Variants in TNS1 observed in about 807,000 individuals in gnomAD.
The protein encoded by TNS1 is tensin 1, also known as tensin-1.
TNS1 carries 62 observed loss-of-function variants against 168.6 expected under a neutral mutation model. The ratio of observed to expected loss-of-function variants is 0.37; its 90% CI spans 0.30 to 0.45. The LOEUF (loss-of-function observed/expected upper bound fraction) is 0.45, where lower values mean the gene tolerates loss of function less well. Ranked by LOEUF, TNS1 falls within the 20% of genes least tolerant of loss-of-function variation. TNS1 has a pLI of 1.00. For missense variants in TNS1, 2,240 were observed against 2,339.4 expected (o/e 0.96, Z 0.88); for synonymous variants, 934 against 933.2 (o/e 1.00, Z -0.02).
chr2:218,016,028 GAGA>G (rs1181668013), intron 1 of TNS1, among the ~76,000 whole-genome samples: 1 of 151,990 alleles, frequency 6.6e-6, no homozygotes, highest in Non-Finnish European at 1.5e-5. Context: ...GAAAGTGCAG[GAGA>G]AGGAGGAAGG....
At chr2:217,996,075 G>A (rs567396229) in intron 1 of TNS1, among the ~76,000 whole-genome samples, 29 of 152,288 alleles carry the variant, frequency 1.9e-4, no homozygotes, top group Admixed American at 3.9e-4. Context: ...TCCCTGCCCC[G>A]TGGGGGCAGA....
intron 18 of TNS1, chr2:217,849,541 A>T (rs1211432443): frequency 1.8e-6 from 1 of 567,144 alleles, no homozygotes; most frequent in African/African-American, 2.0e-5. Flanking sequence ...ACATGCTGAG[A>T]CCAGTTCCTG....
intron 1 of TNS1, among the ~76,000 whole-genome samples, chr2:218,030,842 G>T (rs1230033327): frequency 3.9e-5 from 6 of 152,182 alleles, no homozygotes; most frequent in African/African-American, 1.4e-4. Context: ...TTGCACAGTG[G>T]CTGTGTGTCT....
chr2:217,818,297 C>G lies in TNS1; in HGVS notation c.4035G>C (p.Pro1345=). The part of the protein sequence containing the change: ...SSPQSSAATT[P]GSPSLCRHPA... The stretch of plus-strand genomic sequence containing the variant: ...GGTGCCGACACAGGCTGGGGCTCCC[C>G]GGGGTGGTCGCTGCACTGCTCTGGG... Residue 1345 remains proline, a synonymous_variant, in exon 24 of 33, where the codon CCG becomes CCC. Transcript: ENST00000682258. 1 of 1,613,410 alleles carries G rather than the reference C, an allele frequency of 6.2e-7. No individual in the cohort carries two copies. The highest frequency in any genetic ancestry group is 8.5e-7 in the Non-Finnish European group (1 of 1,179,700).
At chr2:217,962,993 G>C (rs1244479723) in intron 3 of TNS1, among the ~76,000 whole-genome samples, 3 of 152,214 alleles carry the variant, frequency 2.0e-5, no homozygotes, top group Admixed American at 1.3e-4. Context: ...GGGGAGTTGG[G>C]TGAAGGATAT....
intron 21 of TNS1, among the ~76,000 whole-genome samples, chr2:217,832,262 C>T (rs1944548039): frequency 1.3e-5 from 2 of 152,232 alleles, no homozygotes; most frequent in South Asian, 4.1e-4. Flanking sequence ...TATGCGAAGC[C>T]TGGGCTCCTC....
intron 4 of TNS1, among the ~76,000 whole-genome samples, chr2:217,908,434 C>T (rs1953956378): frequency 6.6e-6 from 1 of 152,148 alleles, no homozygotes; most frequent in East Asian, 1.9e-4. Context: ...GGTTGTGAAG[C>T]AAACCTTGAC....
chr2:217,869,597 C>A (rs1044717473), intron 18 of TNS1, among the ~76,000 whole-genome samples: 2 of 152,164 alleles, frequency 1.3e-5, no homozygotes, highest in Non-Finnish European at 2.9e-5. Context: ...CAGGCGGCCA[C>A]ATGGGGAGGA....
rs746833374 is a variant in TNS1 at position 217,810,236 on chromosome 2, G to A, written c.5104+12C>T. On this transcript the variant is annotated intron_variant, in intron 29 of 32. Coordinates refer to ENST00000682258, the MANE Select transcript of TNS1 (RefSeq NM_001387777.1). Reference sequence around the variant, plus strand: ...GGCCTGGGCATGGGTACAGTTTCAGGTGACCACTCACCTGCCCCTTGTTTC... The same window carrying A: ...GGCCTGGGCATGGGTACAGTTTCAGATGACCACTCACCTGCCCCTTGTTTC... 3 of 1,613,738 alleles carry A rather than the reference G, an allele frequency of 1.9e-6. No individual in the cohort carries two copies. The highest frequency in any genetic ancestry group is 3.5e-4 in the Middle Eastern group (2 of 5,774).
intron 21 of TNS1, among the ~76,000 whole-genome samples, chr2:217,832,220 C>T (rs896326286): frequency 2.0e-5 from 3 of 152,220 alleles, no homozygotes; most frequent in African/African-American, 7.2e-5. Context: ...GGAGGAGAAG[C>T]CTATAGTCTG....
chr2:217,811,714 G>A (rs894931367), intron 28 of TNS1, among the ~76,000 whole-genome samples: 1 of 152,096 alleles, frequency 6.6e-6, no homozygotes, highest in African/African-American at 2.4e-5. Flanking sequence ...CACCTGCCAC[G>A]CTCCAGGGCT....
chr2:217,838,757 A>G (rs943543325), intron 19 of TNS1, among the ~76,000 whole-genome samples: 19 of 152,282 alleles, frequency 1.2e-4, no homozygotes, highest in Admixed American at 9.8e-4. Context: ...GTCTTGCTCT[A>G]TGGGAGGGGA....
At chr2:217,868,391 G>T (rs1248465641) in intron 18 of TNS1, among the ~76,000 whole-genome samples, 1 of 152,018 alleles carries the variant, frequency 6.6e-6, no homozygotes, top group East Asian at 1.9e-4. Context: ...TTTAGATGAT[G>T]ATGGGGAAAA....
At chr2:217,864,802 T>C (rs1949110021) in intron 18 of TNS1, among the ~76,000 whole-genome samples, 1 of 152,244 alleles carries the variant, frequency 6.6e-6, no homozygotes, top group Non-Finnish European at 1.5e-5. Context: ...TCACTATTCC[T>C]GATCCCAAAC....
At chr2:217,881,966 C>G (rs16858421) in intron 17 of TNS1, 1,736 of 173,114 alleles carry the variant, frequency 0.01, 47 homozygotes, top group East Asian at 0.088. Flanking sequence ...ATTAAACCAG[C>G]CTTCAGGTTG....
At chr2:218,003,584 G>GC (rs898745674), upstream of TNS1, among the ~76,000 whole-genome samples, 2 of 151,914 alleles carry the variant, frequency 1.3e-5, no homozygotes, top group African/African-American at 2.4e-5. Flanking sequence ...GAATGGCCCT[G>GC]CCCCCAGGCT....
chr2:217,948,690 C>A lies in TNS1; in HGVS notation c.187-28454G>T, dbSNP rs186683652. Among the ~76,000 whole-genome samples the A allele has an allele frequency of 6.6e-6, 1 of 152,190 alleles. No individual in the cohort carries two copies. Among genetic ancestry groups the A allele is most frequent in the East Asian group, 1.9e-4 (1 of 5,174 alleles). On this transcript the variant is annotated intron_variant, in intron 3 of 32. Transcript: ENST00000682258. This position sits in a 1 kb window ranked among gnomAD's most constrained non-coding sequence, Gnocchi z 4.1. The stretch of plus-strand genomic sequence containing the variant: ...TTCACGCTGCTGCCCTGAAGCCCCC[C>A]ATCCTTGCCCTTCCTTCCTAATGTC...
chr2:217,914,005 A>G (rs960440119), intron 4 of TNS1, among the ~76,000 whole-genome samples: 1 of 152,042 alleles, frequency 6.6e-6, no homozygotes, highest in Middle Eastern at 3.4e-3. Flanking sequence ...CCTCTTTCAG[A>G]CTCAGCAATT....
chr2:217,815,148 A>G, intron 24 of TNS1, 150 bp from the exon 25 acceptor site: 1 of 646,612 alleles, frequency 1.5e-6, no homozygotes, highest in Non-Finnish European at 2.8e-6. Flanking sequence ...GAGGTCACAC[A>G]GGATTAGGGT....
Sources: allele counts gnomAD v4.1 joint callset (sites outside exome capture counted in the v4.1 genomes callset), GRCh38; gene constraint gnomAD v4.1.1; non-coding constraint Gnocchi (gnomAD v3.1); transcripts MANE v1.5; gene names NCBI Gene and HGNC (gene_info 2026-07-23, HGNC 2026-07-21).